The following CUL5 variants were observed in gnomAD, a reference collection of about 807,000 sequenced individuals.
CUL5 encodes cullin-5.
Under a neutral mutation model 108.8 loss-of-function variants are expected in CUL5, and 26 were observed. That is an observed-to-expected ratio of 0.24 (90% confidence interval 0.18 to 0.33). The LOEUF (loss-of-function observed/expected upper bound fraction) is 0.33, where lower values mean the gene tolerates loss of function less well. Among genes scored for constraint, CUL5 ranks in the 10% least tolerant of loss-of-function variants. The probability of loss-of-function intolerance (pLI) is 1.00; values close to 1 mark genes in which losing one functional copy is unlikely to be tolerated. For missense variants in CUL5, 524 were observed against 909.2 expected (o/e 0.58, Z 5.45); for synonymous variants, 334 against 298.0 (o/e 1.12, Z -1.25).
At chr11:108,029,165 C>T (rs1328082874) in intron 1 of CUL5, among the ~76,000 whole-genome samples, 1 of 151,814 alleles carries the variant, frequency 6.6e-6, no homozygotes, top group Non-Finnish European at 1.5e-5. Context: ...AGAAGAGTGC[C>T]TGTGAAGGGA....
chr11:108,084,506 A>G (rs541594402), intron 11 of CUL5, among the ~76,000 whole-genome samples: 1 of 152,290 alleles, frequency 6.6e-6, no homozygotes, highest in East Asian at 1.9e-4. Flanking sequence ...TCAGTGGCTA[A>G]CCCTGGAGAT....
chr11:108,092,760 T>A (rs566827141), intron 13 of CUL5, among the ~76,000 whole-genome samples: 1 of 152,308 alleles, frequency 6.6e-6, no homozygotes, highest in African/African-American at 2.4e-5. Context: ...TGGTGATGGT[T>A]GCACAGTTCT....
rs2135262113 is a variant in CUL5 at position 108,106,457 on chromosome 11, T to C, written c.*2073T>C. The C allele has an allele frequency of 6.6e-6, 1 of 152,486 alleles. No homozygotes were observed. Among genetic ancestry groups the C allele is most frequent in the South Asian group, 2.1e-4 (1 of 4,816 alleles). 9.4% of individuals were successfully genotyped at this position (152,486 alleles called of 1,614,324 possible). A position where few individuals can be genotyped will look rare whatever the true frequency, so the allele number is the denominator to read the frequency against. ...TCATAGCAAAGTTTTTTATTAAATT[T>C]TATAAATTTTTAATAGCCAATTATG... On this transcript the variant is annotated 3_prime_UTR_variant, in exon 19 of 19. Coordinates refer to ENST00000393094, the MANE Select transcript of CUL5 (RefSeq NM_003478.6).
At chr11:108,072,490 G>GAC (rs748735377) in intron 9 of CUL5, 28 bp downstream of exon 9, 6 of 1,565,776 alleles carry the variant, frequency 3.8e-6, no homozygotes, top group Non-Finnish European at 5.2e-6. Context: ...GGCAATGATA[G>GAC]ATATATATCA....
chr11:108,076,499 A>G (rs1453934374), intron 10 of CUL5, among the ~76,000 whole-genome samples: 1 of 151,792 alleles, frequency 6.6e-6, no homozygotes, highest in African/African-American at 2.4e-5. Flanking sequence ...TGTATATTTG[A>G]ATTTTTTTTA....
chr11:108,069,616 G>A (rs1298957380), intron 7 of CUL5, among the ~76,000 whole-genome samples: 1 of 152,090 alleles, frequency 6.6e-6, no homozygotes, highest in South Asian at 2.1e-4. Context: ...AGCAGTGTAG[G>A]TTTACTGCCC....
At chr11:108,087,865 T>C (rs1392234466) in intron 11 of CUL5, among the ~76,000 whole-genome samples, 2 of 152,046 alleles carry the variant, frequency 1.3e-5, no homozygotes, top group Non-Finnish European at 2.9e-5. Context: ...CTCTGGAGGC[T>C]GAGGCAGGAG....
intron 10 of CUL5, 156 bp downstream of exon 10, chr11:108,073,653 T>A: frequency 2.5e-6 from 1 of 404,754 alleles, no homozygotes; most frequent in East Asian, 3.8e-5. Flanking sequence ...ATTCGTTTTG[T>A]CTTGGCTGTA....
chr11:108,054,833 C>G (rs774137907), intron 6 of CUL5, 41 bp downstream of exon 6: 2 of 1,600,134 alleles, frequency 1.2e-6, no homozygotes, highest in Admixed American at 1.7e-5. Context: ...TGAGCAATTC[C>G]CTTGATATTC....
At chr11:108,101,982 C>G (rs911717309) in intron 18 of CUL5, among the ~76,000 whole-genome samples, 1 of 152,126 alleles carries the variant, frequency 6.6e-6, no homozygotes, top group Admixed American at 6.6e-5. Context: ...GAGGAATTCA[C>G]TTGACCTTCT....
In CUL5 at chr11:108,072,443, C is replaced by G. The variant is rs1483220589; in HGVS notation, c.986C>G (p.Ala329Gly). ...GCTGGCCTGGCAGATATGGTAGCAG[C>G]TGCTGAAACTATTACTACTGTAAGT... ...ISAGLADMVAAAETITTDSEK... is the reference protein window; with the variant it reads ...ISAGLADMVAGAETITTDSEK... Residue 329 changes from alanine to glycine, a missense_variant, in exon 9 of 19, where the codon GCT becomes GGT. Coordinates refer to ENST00000393094, the MANE Select transcript of CUL5 (RefSeq NM_003478.6). The G allele has an allele frequency of 6.2e-7, 1 of 1,609,812 alleles. No homozygotes were observed. The highest frequency in any genetic ancestry group is 1.1e-5 in the South Asian group (1 of 90,156).
intron 18 of CUL5, among the ~76,000 whole-genome samples, chr11:108,099,005 C>CT (rs4027717): frequency 0.62 from 81,932 of 132,966 alleles, 27,090 homozygotes; most frequent in African/African-American, 0.81. Context: ...GGCCAGTGTA[C>CT]TTTTTTTTTT....
chr11:108,009,394 G>C (rs770531808), intron 1 of CUL5, 22 bp downstream of exon 1: 1 of 1,613,536 alleles, frequency 6.2e-7, no homozygotes, highest in Admixed American at 1.7e-5. Context: ...ACTCCAGCTT[G>C]GGTTTTACTG....
chr11:108,043,794 C>T (rs978219056), intron 2 of CUL5, among the ~76,000 whole-genome samples: 2 of 152,142 alleles, frequency 1.3e-5, no homozygotes, highest in Non-Finnish European at 2.9e-5. Flanking sequence ...TTTGGGAGGC[C>T]AAGGCAGGTG....
chr11:108,051,892 A>C (rs1453067063), intron 4 of CUL5, among the ~76,000 whole-genome samples: 1 of 152,218 alleles, frequency 6.6e-6, no homozygotes, highest in Non-Finnish European at 1.5e-5. Context: ...TGACCATTTT[A>C]TACATAAGAA....
chr11:108,066,871 A>C (rs1395786621), intron 7 of CUL5, among the ~76,000 whole-genome samples: 1 of 152,204 alleles, frequency 6.6e-6, no homozygotes, highest in Non-Finnish European at 1.5e-5. Flanking sequence ...AACCATACAC[A>C]TGTTTTTAGG....
chr11:108,045,460 T>C (rs887287278), intron 2 of CUL5, among the ~76,000 whole-genome samples: 20 of 152,162 alleles, frequency 1.3e-4, no homozygotes, highest in African/African-American at 4.6e-4. Flanking sequence ...AGGTGCATGC[T>C]TGTAGTCCCA....
At chr11:108,083,643 T>C (rs564488877) in intron 11 of CUL5, among the ~76,000 whole-genome samples, 12 of 152,316 alleles carry the variant, frequency 7.9e-5, no homozygotes, top group African/African-American at 2.2e-4. Context: ...TTTTAAAAAT[T>C]AGACGAGCAT....
At chr11:108,021,902 AC>A (rs1486625145) in intron 1 of CUL5, among the ~76,000 whole-genome samples, 2 of 151,948 alleles carry the variant, frequency 1.3e-5, no homozygotes, top group East Asian at 3.9e-4. Flanking sequence ...GCAGCCTCGA[AC>A]TCCTGGGCCC....
Sources: allele counts gnomAD v4.1 joint callset (sites outside exome capture counted in the v4.1 genomes callset), GRCh38; gene constraint gnomAD v4.1.1; transcripts MANE v1.5; gene names NCBI Gene and HGNC (gene_info 2026-07-23, HGNC 2026-07-21).